Variants in R3HDM2 observed in about 807,000 individuals in gnomAD.
The protein encoded by R3HDM2 is R3H domain containing 2, also known as R3H domain-containing protein 2.
A neutral mutation model predicts 124.5 loss-of-function variants in R3HDM2; 38 were observed. The observed-to-expected ratio is 0.31, with a 90% confidence interval of 0.24 to 0.40. R3HDM2 has a LOEUF of 0.40. Among genes scored for constraint, R3HDM2 ranks in the 10% least tolerant of loss-of-function variants. The probability of loss-of-function intolerance (pLI) is 1.00; values close to 1 mark genes in which losing one functional copy is unlikely to be tolerated. For synonymous variants in R3HDM2, 391 were observed against 448.0 expected (o/e 0.87, Z 1.61); for missense variants, 869 against 1,236.9 (o/e 0.70, Z 4.46).
chr12:57,366,673 T>C (rs1239212179), intron 2 of R3HDM2, among the ~76,000 whole-genome samples: 1 of 152,082 alleles, frequency 6.6e-6, no homozygotes, highest in Non-Finnish European at 1.5e-5. Flanking sequence ...TTAACTAATT[T>C]TGGGCTTTTT....
At position 57,373,931 on chromosome 12, in the gene R3HDM2, C is replaced by T. The variant is rs560191566; in HGVS notation, c.-36+21818G>A. On this transcript the variant is annotated intron_variant, in intron 2 of 23. Coordinates refer to ENST00000402412, the MANE Select transcript of R3HDM2 (RefSeq NM_001394031.1). ...TCATCTGAGGTCAGGACTTCAGGAC[C>T]AGCCTGGCCAACATGGTGAAACCCC... 1.3e-3 allele frequency among the ~76,000 whole-genome samples: 202 copies of T among 151,900 alleles called. 11 individuals carry two copies. In the South Asian group the frequency reaches 0.041, roughly 31 times the overall value.
intron 3 of R3HDM2, among the ~76,000 whole-genome samples, chr12:57,306,939 T>C (rs2052736726): frequency 2.0e-5 from 3 of 152,174 alleles, no homozygotes; most frequent in African/African-American, 4.8e-5. Context: ...CACTTGAACC[T>C]GGCAGGCAGA....
intron 1 of R3HDM2, among the ~76,000 whole-genome samples, chr12:57,429,223 C>T (rs1033176563): frequency 4.0e-5 from 6 of 149,326 alleles, no homozygotes; most frequent in Non-Finnish European, 7.4e-5. Flanking sequence ...CCCATCCCTA[C>T]GAAAAAAAAA....
intron 1 of R3HDM2, among the ~76,000 whole-genome samples, chr12:57,414,486 T>TAAAAAAAAAAAAAAA (rs534205889): frequency 1.5e-5 from 1 of 66,632 alleles, no homozygotes; most frequent in Non-Finnish European, 2.6e-5. Flanking sequence ...AAGACTCCAT[T>TAAAAAAAAAAAAAAA]AAAAAAAAAA....
At chr12:57,402,168 G>C (rs560126027) in intron 1 of R3HDM2, among the ~76,000 whole-genome samples, 2 of 150,890 alleles carry the variant, frequency 1.3e-5, no homozygotes, top group African/African-American at 2.4e-5. Flanking sequence ...GGTGACAGGC[G>C]CCTGTAATCC....
chr12:57,289,881 C>T (rs533135722), intron 11 of R3HDM2, among the ~76,000 whole-genome samples: 3 of 152,310 alleles, frequency 2.0e-5, no homozygotes, highest in East Asian at 3.9e-4. Context: ...ACAACTCCAC[C>T]CCTAATCAGC....
In R3HDM2 at chr12:57,417,399, A is replaced by G. The variant is rs76798819; in HGVS notation, c.-106+13321T>C. 4.6e-3 allele frequency among the ~76,000 whole-genome samples: 700 copies of G among 152,010 alleles called. 3 individuals are homozygous for G. The highest frequency in any genetic ancestry group is 0.012 in the South Asian group (56 of 4,796). ...AATTCCATTTCAAAAAAAAAAAAAAAAGAGAGAGACTTCCACATGAAACTG... is the reference window on the plus strand; with the variant it reads ...AATTCCATTTCAAAAAAAAAAAAAAGAGAGAGAGACTTCCACATGAAACTG... On this transcript the variant is annotated intron_variant, in intron 1 of 23. Coordinates refer to ENST00000402412, the MANE Select transcript of R3HDM2 (RefSeq NM_001394031.1).
In R3HDM2 at chr12:57,305,336, T is replaced by A. The variant is rs879815820; in HGVS notation, c.166-2119A>T. 3.3e-5 allele frequency among the ~76,000 whole-genome samples: 5 copies of A among 152,224 alleles called. 1 individual carries two copies. The South Asian group carries it at 1.0e-3, about 31-fold the overall frequency. Reference sequence around the variant, plus strand: ...TGTGTAGCTATACCATAACTTATTTTACGAGTCTCTAATGTTTCACCATTT... The same window carrying A: ...TGTGTAGCTATACCATAACTTATTTAACGAGTCTCTAATGTTTCACCATTT... On this transcript the variant is annotated intron_variant, in intron 3 of 23. Transcript: ENST00000402412.
At chr12:57,388,693 T>C (rs1012509783) in intron 2 of R3HDM2, among the ~76,000 whole-genome samples, 1 of 152,180 alleles carries the variant, frequency 6.6e-6, no homozygotes, top group African/African-American at 2.4e-5. Context: ...AGTTACAGCT[T>C]ATCTGCTTTC....
intron 3 of R3HDM2, 105 bp from the exon 4 acceptor site, chr12:57,303,322 A>G (rs2051691627): frequency 1.3e-5 from 13 of 1,022,674 alleles, no homozygotes; most frequent in Non-Finnish European, 1.8e-5. Context: ...AAAAACCATT[A>G]CAACAGCCAA....
At chr12:57,423,239 T>C (rs1210230294) in intron 1 of R3HDM2, among the ~76,000 whole-genome samples, 5 of 151,738 alleles carry the variant, frequency 3.3e-5, no homozygotes, top group African/African-American at 4.8e-5. Flanking sequence ...CTGGCAAACA[T>C]GGTGAAACCC....
In R3HDM2 at chr12:57,257,984, C is replaced by T; in HGVS notation, c.2449+6G>A. 6.5e-7 allele frequency: 1 copy of T among 1,533,444 alleles called. No homozygotes were observed. The highest frequency in any genetic ancestry group is 8.8e-7 in the Non-Finnish European group (1 of 1,130,096). The allele number at this position is 1,533,444 out of a possible 1,614,324, so 95.0% of individuals were successfully genotyped here. A position where few individuals can be genotyped will look rare whatever the true frequency, so the allele number is the denominator to read the frequency against. ...CATAGCAGCCAGCACTAATCTAACC[C>T]CCTACCCTGTGCTGGACCCCCAGGC... On this transcript the variant is annotated splice_donor_region_variant and intron_variant, in intron 21 of 23. Transcript: ENST00000402412.
At chr12:57,417,558 T>A (rs751677845) in intron 1 of R3HDM2, among the ~76,000 whole-genome samples, 8 of 152,342 alleles carry the variant, frequency 5.3e-5, no homozygotes, top group Non-Finnish European at 1.2e-4. Flanking sequence ...CTAATATGTA[T>A]AATTTGTTAC....
chr12:57,292,512 C>A, intron 11 of R3HDM2, 60 bp downstream of exon 11: 1 of 1,173,102 alleles, frequency 8.5e-7, no homozygotes. Context: ...ATTCCATTCA[C>A]AGTTCCAATG....
At chr12:57,417,196 G>T (rs746967811) in intron 1 of R3HDM2, among the ~76,000 whole-genome samples, 12 of 152,010 alleles carry the variant, frequency 7.9e-5, no homozygotes, top group Admixed American at 7.9e-4. Flanking sequence ...CTTAGGTCAA[G>T]AGTTTGAGAC....
intron 2 of R3HDM2, among the ~76,000 whole-genome samples, chr12:57,378,721 A>G (rs2064416380): frequency 6.6e-6 from 1 of 152,152 alleles, no homozygotes; most frequent in African/African-American, 2.4e-5. Flanking sequence ...CAGCAATTCT[A>G]CTTCTGGGTA....
chr12:57,404,527 C>T (rs1276870998), intron 1 of R3HDM2, among the ~76,000 whole-genome samples: 2 of 151,678 alleles, frequency 1.3e-5, no homozygotes, highest in African/African-American at 2.4e-5. Context: ...GAAACCTCGT[C>T]TCTATTAAAA....
At chr12:57,311,671 C>A (rs1158637638) in intron 2 of R3HDM2, among the ~76,000 whole-genome samples, 2 of 152,162 alleles carry the variant, frequency 1.3e-5, no homozygotes, top group African/African-American at 2.4e-5. Flanking sequence ...TCGCACCCAG[C>A]CTTAAATTCT....
At chr12:57,386,408 G>A (rs1356462238) in intron 2 of R3HDM2, among the ~76,000 whole-genome samples, 1 of 152,270 alleles carries the variant, frequency 6.6e-6, no homozygotes, top group Non-Finnish European at 1.5e-5. Context: ...CACTCGGAGA[G>A]GCCAGCCGGC....
Sources: gnomAD v4.1 joint callset for allele counts (sites outside exome capture counted in the v4.1 genomes callset) on GRCh38, gnomAD v4.1.1 for gene constraint, MANE v1.5 for transcripts, NCBI Gene and HGNC (gene_info 2026-07-23, HGNC 2026-07-21) for gene names.